Variants in RWDD3 observed in about 807,000 individuals in gnomAD.
The protein encoded by RWDD3 is RWD domain-containing protein 3.
Under a neutral mutation model 26.5 loss-of-function variants are expected in RWDD3, and 30 were observed. The ratio of observed to expected loss-of-function variants is 1.13; its 90% CI spans 0.85 to 1.54. RWDD3 has a LOEUF of 1.54. RWDD3 is among the 40% of genes most tolerant of loss of function. The pLI is 0.00. For missense variants in RWDD3, 296 were observed against 309.1 expected (o/e 0.96, Z 0.32); for synonymous variants, 113 against 114.5 (o/e 0.99, Z 0.09).
intron 3 of RWDD3, 47 bp from the exon 4 acceptor site, chr1:95,246,709 C>T: frequency 6.5e-7 from 1 of 1,534,932 alleles, no homozygotes; most frequent in Non-Finnish European, 8.9e-7. Context: ...GATAATTATA[C>T]TCTGACAAAT....
chr1:95,234,402 C>A, intron 1 of RWDD3, 87 bp downstream of exon 1: 1 of 1,281,790 alleles, frequency 7.8e-7, no homozygotes, highest in Non-Finnish European at 1.1e-6. Context: ...GGAGCCTGGG[C>A]ACCCCGCCTG....
At chr1:95,246,147 C>T (rs563116347) in intron 2 of RWDD3, 3 of 155,990 alleles carry the variant, frequency 1.9e-5, no homozygotes, top group African/African-American at 2.4e-5. Flanking sequence ...TGTGCCATGG[C>T]GCTATATCTA....
chr1:95,244,991 G>A, intron 2 of RWDD3: 1 of 302,032 alleles, frequency 3.3e-6, no homozygotes, highest in Non-Finnish European at 6.1e-6. Context: ...TCTGTAATTA[G>A]CTATGAGCTT....
chr1:95,245,639 A>G (rs1200408444), intron 2 of RWDD3, among the ~76,000 whole-genome samples: 1 of 152,202 alleles, frequency 6.6e-6, no homozygotes, highest in Non-Finnish European at 1.5e-5. Flanking sequence ...GATTTAATGC[A>G]TATCTTGGAT....
rs1228530059 is a variant in RWDD3, at chr1:95,244,344, A to G, written c.219A>G (p.Glu73=). The G allele has an allele frequency of 6.2e-7, 1 of 1,614,072 alleles. No individual in the cohort carries two copies. Among genetic ancestry groups the G allele is most frequent in the African/African-American group, 1.3e-5 (1 of 74,922 alleles). ...TACCTGGTATCTCGATTAACTCTGA[A>G]CAGTTGACCAGGGCCCAGTGTGTGA... The part of the protein sequence containing the change: ...SCLPGISINS[E]QLTRAQCVTV... Residue 73 remains glutamate (E), a synonymous_variant, in exon 2 of 4, where the codon GAA becomes GAG. Coordinates refer to ENST00000370202, the MANE Select transcript of RWDD3 (RefSeq NM_015485.5).
At chr1:95,242,415 G>A (rs12061000) in intron 1 of RWDD3, among the ~76,000 whole-genome samples, 2 of 152,136 alleles carry the variant, frequency 1.3e-5, no homozygotes, top group African/African-American at 4.8e-5. Context: ...GTGAATGCTT[G>A]TTCAATGATG....
intron 1 of RWDD3, chr1:95,239,822 C>G: frequency 7.8e-7 from 1 of 1,289,448 alleles, no homozygotes; most frequent in Non-Finnish European, 1.0e-6. Flanking sequence ...TAAGGACTGA[C>G]ATGGCTGGCT....
intron 1 of RWDD3, chr1:95,237,554 T>G (rs944503463): frequency 2.0e-5 from 3 of 152,212 alleles, no homozygotes; most frequent in Admixed American, 6.5e-5. Flanking sequence ...TTTGATCTCT[T>G]TACAATGGTT....
At chr1:95,241,423 A>T (rs1055921448) in intron 1 of RWDD3, among the ~76,000 whole-genome samples, 3 of 152,092 alleles carry the variant, frequency 2.0e-5, no homozygotes, top group Non-Finnish European at 4.4e-5. Flanking sequence ...GTTATAGCTG[A>T]GGGGCAGTGA....
intron 1 of RWDD3, 129 bp from the exon 2 acceptor site, chr1:95,244,082 C>G: frequency 7.3e-7 from 1 of 1,373,330 alleles, no homozygotes. Context: ...ATTACGTGTC[C>G]CTTCATAAAA....
chr1:95,246,769 G>GA lies in RWDD3; in HGVS notation c.705dup (p.Val236SerfsTer9), dbSNP rs1680868368. Reference sequence around the variant, plus strand: ...TGTATAATGCAGGTTTCTGGCATTTGAAGTCAAAGAGTATTCAGCGTTGGA... The same window carrying GA: ...TGTATAATGCAGGTTTCTGGCATTTGAAAGTCAAAGAGTATTCAGCGTTGGA... On this transcript the variant is annotated frameshift_variant, in exon 4 of 4. Coordinates refer to ENST00000370202, the MANE Select transcript of RWDD3 (RefSeq NM_015485.5). LOFTEE classifies it high-confidence loss of function. The GA allele has an allele frequency of 6.4e-7, 1 of 1,559,592 alleles. No individual in the cohort carries two copies. The highest frequency in any genetic ancestry group is 1.2e-5 in the South Asian group (1 of 82,432).
Position 95,246,792 on chromosome 1 carries a change from G to A in RWDD3, c.726G>A (p.Leu242=). ...TTGAAGTCAAAGAGTATTCAGCGTT[G>A]GATGAATTACAAAAGGAATTTGAAA... is the stretch of plus-strand genomic sequence containing the variant. ...LAFEVKEYSA[L]DELQKEFETA... Residue 242 remains leucine, a synonymous_variant, in exon 4 of 4, where the codon TTG becomes TTA. Coordinates refer to ENST00000370202, the MANE Select transcript of RWDD3 (RefSeq NM_015485.5). 6.4e-7 allele frequency: 1 copy of A among 1,568,494 alleles called. No homozygotes were observed. The highest frequency in any genetic ancestry group is 8.6e-7 in the Non-Finnish European group (1 of 1,161,144).
At position 95,246,659 on chromosome 1, in the gene RWDD3, T is replaced by A; in HGVS notation, c.689+2T>A. The A allele has an allele frequency of 1.3e-6, 2 of 1,586,644 alleles. No individual in the cohort carries two copies. Among genetic ancestry groups the A allele is most frequent in the Non-Finnish European group, 1.7e-6 (2 of 1,158,244 alleles). ...AAAAGTACAGACAGAACACAAAAGGTATAATTTAGTACTATTGCAGATGGA... is the reference window on the plus strand; with the variant it reads ...AAAAGTACAGACAGAACACAAAAGGAATAATTTAGTACTATTGCAGATGGA... On this transcript the variant is annotated splice_donor_variant, in intron 3 of 3. Transcript: ENST00000370202. LOFTEE classifies it high-confidence loss of function.
rs953653699 is a variant in RWDD3 at position 95,246,622 on chromosome 1, A to G, written c.654A>G (p.Val218=). ...GKKCKEKMIS[V]LFETKVQTEH... ...AATGCAAAGAGAAAATGATTAGTGT[A>G]CTGTTTGAAACAAAAGTACAGACAG... is the stretch of plus-strand genomic sequence containing the variant. The change falls in exon 3 of 4, where the codon GTA becomes GTG. Residue 218 remains valine (V), a synonymous_variant. Coordinates refer to ENST00000370202, the MANE Select transcript of RWDD3 (RefSeq NM_015485.5). The G allele has an allele frequency of 6.2e-7, 1 of 1,611,696 alleles. No individual in the cohort carries two copies. The highest frequency in any genetic ancestry group is 8.5e-7 in the Non-Finnish European group (1 of 1,178,344).
chr1:95,236,097 G>A (rs1054051486), intron 1 of RWDD3, among the ~76,000 whole-genome samples: 2 of 152,040 alleles, frequency 1.3e-5, no homozygotes, highest in African/African-American at 4.8e-5. Flanking sequence ...AGGCCGAGGC[G>A]GGCAGATCAC....
chr1:95,242,912 G>A (rs547900494), intron 1 of RWDD3, among the ~76,000 whole-genome samples: 1 of 151,346 alleles, frequency 6.6e-6, no homozygotes, highest in Non-Finnish European at 1.5e-5. Context: ...GAGTGAGATT[G>A]TGTCTCAAAA....
chr1:95,241,775 G>A (rs1050755504), intron 1 of RWDD3, among the ~76,000 whole-genome samples: 9 of 152,066 alleles, frequency 5.9e-5, no homozygotes, highest in South Asian at 2.1e-4. Context: ...ATGATAAGCC[G>A]GTGAAGTTCA....
chr1:95,234,563 C>T (rs953031976), intron 1 of RWDD3, among the ~76,000 whole-genome samples: 18 of 152,062 alleles, frequency 1.2e-4, no homozygotes, highest in Non-Finnish European at 2.6e-4. Flanking sequence ...GTCCCGCTCC[C>T]GGAGCCGGGG....
At chr1:95,235,540 A>C (rs887765601) in intron 1 of RWDD3, among the ~76,000 whole-genome samples, 1 of 149,414 alleles carries the variant, frequency 6.7e-6, no homozygotes, top group Non-Finnish European at 1.5e-5. Context: ...TTGTATTTTT[A>C]GTAGAGACGG....
Sources: allele counts gnomAD v4.1 joint callset (sites outside exome capture counted in the v4.1 genomes callset), GRCh38; gene constraint gnomAD v4.1.1; transcripts MANE v1.5; gene names NCBI Gene and HGNC (gene_info 2026-07-23, HGNC 2026-07-21).